The following RNF207 variants were observed in gnomAD, a reference collection of about 807,000 sequenced individuals.
RNF207 encodes ring finger protein 207.
In RNF207, 72 loss-of-function variants were observed where a neutral mutation model predicts 79.0. The observed-to-expected ratio is 0.91, with a 90% CI of 0.75 to 1.11. RNF207 has a LOEUF of 1.11. Ranked by LOEUF, RNF207 falls within the 50% of genes least tolerant of loss-of-function variation. RNF207 has a pLI of 0.00. For synonymous variants in RNF207, 348 were observed against 366.2 expected (o/e 0.95, Z 0.57); for missense variants, 936 against 855.8 (o/e 1.09, Z -1.17).
rs748368133 is a variant in RNF207, at chr1:6,220,004, G to A, written c.*597G>A. ...GTAGAGAGGGGGTTTCTCCATGTTG[G>A]TCAGGCTGGCCTCGAACTCCCAACC... On this transcript the variant is annotated 3_prime_UTR_variant, in exon 18 of 18. Transcript: ENST00000377939. 3 of 152,162 alleles carry A rather than the reference G, an allele frequency of 2.0e-5. No individual in the cohort carries two copies. The highest frequency in any genetic ancestry group is 3.8e-4 in the East Asian group (2 of 5,196). 9.4% of individuals were successfully genotyped at this position (152,162 alleles called of 1,614,324 possible).
At position 6,209,961 on chromosome 1, in the gene RNF207, C is replaced by T. The variant is rs751894881; in HGVS notation, c.791C>T (p.Ala264Val). Residue 264 changes from alanine to valine, a missense_variant, in exon 8 of 18, where the codon GCT becomes GTT. Transcript: ENST00000377939. ...LAERKALLLQAVQSQYEEKDK... is the reference protein window; with the variant it reads ...LAERKALLLQVVQSQYEEKDK... The stretch of plus-strand genomic sequence containing the variant: ...GAGAGGAAAGCGCTGCTGCTGCAGG[C>T]TGTGCAGAGGTGAGTTGGGGGGAGC... 8.2e-6 allele frequency: 13 copies of T among 1,592,158 alleles called. No individual in the cohort carries two copies. In the African/African-American group the frequency reaches 1.6e-4, roughly 20 times the overall value.
intron 16 of RNF207, 100 bp downstream of exon 16, chr1:6,213,283 G>A (rs1668247961): frequency 2.9e-6 from 2 of 685,832 alleles, no homozygotes; most frequent in Non-Finnish European, 5.0e-6. Flanking sequence ...CACTTCGGGA[G>A]GCTGAGGTGG....
chr1:6,218,027 C>A (rs76510818), intron 16 of RNF207, among the ~76,000 whole-genome samples: 2,741 of 152,388 alleles, frequency 0.018, 35 homozygotes, highest in Non-Finnish European at 0.027. Context: ...GCGCCCTGCA[C>A]CACACACCCT....
chr1:6,219,118 T>C, intron 17 of RNF207, 118 bp from the exon 18 acceptor site: 3 of 839,732 alleles, frequency 3.6e-6, no homozygotes, highest in Non-Finnish European at 5.5e-6. Flanking sequence ...TGGTTCTCAC[T>C]CACTGAGGCC....
In RNF207 at chr1:6,219,638, G is replaced by A. The variant is rs748616769; in HGVS notation, c.*231G>A. ...CTCCCGAGTAGCTGGGATTACAGGC[G>A]CCTGACACCACGCCCCGCTAATTTT... On this transcript the variant is annotated 3_prime_UTR_variant, in exon 18 of 18. Transcript: ENST00000377939. The A allele has an allele frequency of 1.2e-3, 322 of 275,184 alleles. 1 individual carries two copies. The highest frequency in any genetic ancestry group is 3.4e-4 in the Non-Finnish European group (49 of 146,086). The allele number at this position is 275,184 out of a possible 1,614,324, so 17.0% of individuals were successfully genotyped here.
chr1:6,210,301 G>T lies in RNF207; in HGVS notation c.873+6G>T. On this transcript the variant is annotated splice_donor_region_variant and intron_variant, in intron 9 of 17. Coordinates refer to ENST00000377939, the MANE Select transcript of RNF207 (RefSeq NM_207396.3). Reference sequence around the variant, plus strand: ...CCTTGCTGCCCACCCTGCAGGTACAGGGAGCTCGGGGTGCGGGTGGGTCCC... The same window carrying T: ...CCTTGCTGCCCACCCTGCAGGTACATGGAGCTCGGGGTGCGGGTGGGTCCC... 1 of 1,613,700 alleles carries T rather than the reference G, an allele frequency of 6.2e-7. No homozygotes were observed. Among genetic ancestry groups the T allele is most frequent in the Middle Eastern group, 1.7e-4 (1 of 6,050 alleles).
Position 6,219,254 on chromosome 1 carries a change from C to T in RNF207, c.1752C>T (p.Val584=). 5.6e-6 allele frequency: 9 copies of T among 1,610,704 alleles called. No homozygotes were observed. The highest frequency in any genetic ancestry group is 7.6e-6 in the Non-Finnish European group (9 of 1,178,636). The stretch of plus-strand genomic sequence containing the variant: ...CCTTTAGGAATAATCCAGGAAGTGT[C>T]CCGGAAAAGAGAGAGAAGACATCAG... ...AASARNNPGS[V]PEKREKTSEP... is the part of the protein sequence containing the mutation. The change falls in exon 18 of 18, where the codon GTC becomes GTT. Residue 584 remains valine (V), a synonymous_variant. Coordinates refer to ENST00000377939, the MANE Select transcript of RNF207 (RefSeq NM_207396.3).
At chr1:6,219,078 G>C (rs530453025) in intron 17 of RNF207, among the ~76,000 whole-genome samples, 158 bp from the exon 18 acceptor site, 2 of 152,262 alleles carry the variant, frequency 1.3e-5, no homozygotes, top group South Asian at 2.1e-4. Flanking sequence ...CTCAGAAGTA[G>C]ACAAGGTCCT....
At chr1:6,216,550 C>T (rs997427022) in intron 16 of RNF207, among the ~76,000 whole-genome samples, 15 of 150,914 alleles carry the variant, frequency 9.9e-5, no homozygotes, top group Non-Finnish European at 4.4e-5. Context: ...TCGTGAGCAT[C>T]GCCATATTCA....
chr1:6,210,520 G>C lies in RNF207; in HGVS notation c.942+82G>C. 1.3e-5 allele frequency: 15 copies of C among 1,113,166 alleles called. No individual in the cohort carries two copies. In the South Asian group the frequency reaches 1.9e-4, roughly 14 times the overall value. 69.0% of individuals were successfully genotyped at this position (1,113,166 alleles called of 1,614,324 possible). On this transcript the variant is annotated intron_variant, in intron 10 of 17. Transcript: ENST00000377939. ...ACCAAAGCCACCAACTCAGGGGTGG[G>C]CAGCCTGTCACCTGGAGCCTGGACC...
At chr1:6,210,812 C>T (rs976332738) in intron 10 of RNF207, 58 bp from the exon 11 acceptor site, 3 of 1,473,716 alleles carry the variant, frequency 2.0e-6, no homozygotes, top group Non-Finnish European at 2.8e-6. Context: ...CATCTCCCCT[C>T]TTCCTGCCCC....
Position 6,218,938 on chromosome 1 carries a change from C to T in RNF207, c.1734-298C>T, listed in dbSNP as rs143917382. 1.2e-4 allele frequency among the ~76,000 whole-genome samples: 19 copies of T among 152,296 alleles called. No individual in the cohort carries two copies. The East Asian group carries it at 3.3e-3, about 26-fold the overall frequency. ...CTGGTGACAGAGCAGAGTCTGGCCC[C>T]AGCCTCCCCTGCACAGCCGCCATTT... On this transcript the variant is annotated intron_variant, in intron 17 of 17. Coordinates refer to ENST00000377939, the MANE Select transcript of RNF207 (RefSeq NM_207396.3).
chr1:6,218,995 A>G (rs920880374), intron 17 of RNF207, among the ~76,000 whole-genome samples: 9 of 152,132 alleles, frequency 5.9e-5, no homozygotes, highest in Admixed American at 1.3e-4. Flanking sequence ...TTCAAAATGC[A>G]GTGTCACCAG....
At chr1:6,212,529 G>A (rs1473286514) in intron 14 of RNF207, 113 bp downstream of exon 14, 31 of 1,271,222 alleles carry the variant, frequency 2.4e-5, no homozygotes, top group Non-Finnish European at 3.2e-5. Flanking sequence ...GGACCCTCAT[G>A]TGGCAGGGTC....
chr1:6,211,441 G>A lies in RNF207; in HGVS notation c.1109+323G>A, dbSNP rs1451155085. Among the ~76,000 whole-genome samples, 3 of 152,130 alleles carry A rather than the reference G, an allele frequency of 2.0e-5. No homozygotes were observed. Among genetic ancestry groups the A allele is most frequent in the African/African-American group, 4.8e-5 (2 of 41,418 alleles). On this transcript the variant is annotated intron_variant, in intron 12 of 17. Coordinates refer to ENST00000377939, the MANE Select transcript of RNF207 (RefSeq NM_207396.3). The surrounding 1 kb of genome is among the most constrained non-coding windows in gnomAD (Gnocchi z 4.2). The stretch of plus-strand genomic sequence containing the variant: ...TGGGGCGCCTGGGGCTGGGCTGACC[G>A]CCACCTAGGTGGCCTGAGGTCATAG...
At chr1:6,216,516 C>T (rs867209146) in intron 16 of RNF207, among the ~76,000 whole-genome samples, 1 of 152,136 alleles carries the variant, frequency 6.6e-6, no homozygotes, top group South Asian at 2.1e-4. Context: ...GTCCAGGCCT[C>T]CTCCCTTGGC....
chr1:6,207,587 C>T lies in RNF207; in HGVS notation c.324+76C>T. Reference sequence around the variant, plus strand: ...AGTCCCCAATGCTTGCACATGCACTCAGCATGTCTTCAGAGGACGACCTGG... The same window carrying T: ...AGTCCCCAATGCTTGCACATGCACTTAGCATGTCTTCAGAGGACGACCTGG... On this transcript the variant is annotated intron_variant, in intron 3 of 17. Transcript: ENST00000377939. The surrounding 1 kb of genome is among the most constrained non-coding windows in gnomAD (Gnocchi z 4.5). The T allele has an allele frequency of 6.8e-7, 1 of 1,461,486 alleles. No individual in the cohort carries two copies. The highest frequency in any genetic ancestry group is 9.3e-7 in the Non-Finnish European group (1 of 1,073,728). 90.5% of individuals were successfully genotyped at this position (1,461,486 alleles called of 1,614,324 possible).
In RNF207 at chr1:6,217,530, A is replaced by G. The variant is rs1668400794; in HGVS notation, c.1653-759A>G. Among the ~76,000 whole-genome samples the G allele has an allele frequency of 6.6e-6, 1 of 152,210 alleles. No individual in the cohort carries two copies. Among genetic ancestry groups the G allele is most frequent in the South Asian group, 2.1e-4 (1 of 4,834 alleles). On this transcript the variant is annotated intron_variant, in intron 16 of 17. Coordinates refer to ENST00000377939, the MANE Select transcript of RNF207 (RefSeq NM_207396.3). This position sits in a 1 kb window ranked among gnomAD's most constrained non-coding sequence, Gnocchi z 4.2. ...GCCAGAATGCTTGACGTCCTCCCGC[A>G]GACATGCTATTCCCATCTCCCCATC...
chr1:6,208,833 T>C, intron 3 of RNF207, 48 bp from the exon 4 acceptor site: 6 of 1,489,384 alleles, frequency 4.0e-6, no homozygotes, highest in Non-Finnish European at 5.3e-6. Context: ...GTTCCCGCGC[T>C]GGCCGCGGTC....
Sources: gnomAD v4.1 joint callset for allele counts (sites outside exome capture counted in the v4.1 genomes callset) on GRCh38, gnomAD v4.1.1 for gene constraint, Gnocchi (gnomAD v3.1) non-coding constraint, MANE v1.5 for transcripts, NCBI Gene and HGNC (gene_info 2026-07-23, HGNC 2026-07-21) for gene names.